The following FKBP5 variants were observed in gnomAD, a reference collection of about 807,000 sequenced individuals.
FKBP5 encodes the protein peptidyl-prolyl cis-trans isomerase FKBP5.
Under a neutral mutation model 50.5 loss-of-function variants are expected in FKBP5, and 23 were observed. That is an observed-to-expected ratio of 0.46 (90% CI 0.33 to 0.65). FKBP5 has a LOEUF of 0.65. FKBP5 is among the 30% of genes least tolerant of loss of function. FKBP5 has a pLI of 0.02. For missense variants in FKBP5, 411 were observed against 553.1 expected, an observed-to-expected ratio of 0.74 and a Z score of 2.58; for synonymous variants, 176 against 190.6, an observed-to-expected ratio of 0.92 and a Z score of 0.63.
chr6:35,581,195 CATAA>C (rs1762415996), intron 8 of FKBP5: 1 of 980,880 alleles, frequency 1.0e-6, no homozygotes, highest in Admixed American at 6.3e-5. Context: ...TAGCATACAA[CATAA>C]ATAACAACTA....
chr6:35,649,490 T>A (rs1561876755), intron 1 of FKBP5, among the ~76,000 whole-genome samples: 1 of 151,870 alleles, frequency 6.6e-6, no homozygotes, highest in Non-Finnish European at 1.5e-5. Context: ...GCATTTTGTG[T>A]AACCTCTAGC....
chr6:35,595,017 T>C (rs1392175416), intron 6 of FKBP5, among the ~76,000 whole-genome samples: 1 of 152,194 alleles, frequency 6.6e-6, no homozygotes, highest in African/African-American at 2.4e-5. Context: ...GCTCACACAC[T>C]GCGGGCTCAT....
upstream of FKBP5, among the ~76,000 whole-genome samples, chr6:35,691,735 A>C (rs1490221681): frequency 4.6e-5 from 7 of 152,092 alleles, 1 homozygote; most frequent in East Asian, 1.3e-3. Context: ...TTCCCTAAAC[A>C]TTACTGCCCT....
intron 9 of FKBP5, among the ~76,000 whole-genome samples, chr6:35,578,225 G>A (rs988183779): frequency 3.3e-5 from 5 of 151,378 alleles, no homozygotes; most frequent in African/African-American, 9.7e-5. Flanking sequence ...TCACTCTGTC[G>A]CCCAGGCTGG....
At chr6:35,688,088 GA>G in intron 1 of FKBP5, among the ~76,000 whole-genome samples, 1 of 152,360 alleles carries the variant, frequency 6.6e-6, no homozygotes, top group Non-Finnish European at 1.5e-5. Flanking sequence ...GAGTGACGCG[GA>G]TCACCTGTTA....
chr6:35,714,454 A>AG (rs1289470106), intron 2 of FKBP5, among the ~76,000 whole-genome samples: 4 of 141,828 alleles, frequency 2.8e-5, no homozygotes, highest in Non-Finnish European at 6.1e-5. Context: ...CACTGCCTCA[A>AG]AAAAAAAAAA....
chr6:35,724,641 G>A (rs372107528), intron 1 of FKBP5, among the ~76,000 whole-genome samples: 2 of 151,906 alleles, frequency 1.3e-5, no homozygotes, highest in Admixed American at 6.6e-5. Context: ...TACTTGGGAC[G>A]TTTACTCAGG....
intron 7 of FKBP5, among the ~76,000 whole-genome samples, chr6:35,588,695 G>A (rs887505875): frequency 7.9e-5 from 12 of 151,778 alleles, no homozygotes; most frequent in Non-Finnish European, 1.3e-4. Context: ...CGATTTCCCA[G>A]GCTCAAGCAA....
At chr6:35,581,564 T>G (rs1452888603) in intron 8 of FKBP5, 2 of 983,816 alleles carry the variant, frequency 2.0e-6, no homozygotes, top group African/African-American at 3.5e-5. Context: ...CACTCCAGCC[T>G]GGGTGACAGA....
At chr6:35,600,404 T>TGA (rs1763110405) in intron 5 of FKBP5, among the ~76,000 whole-genome samples, 1 of 151,324 alleles carries the variant, frequency 6.6e-6, no homozygotes, top group Non-Finnish European at 1.5e-5. Context: ...GGTGACAGAG[T>TGA]GAGACCGTCT....
chr6:35,626,371 AT>A (rs1157808255), intron 3 of FKBP5, among the ~76,000 whole-genome samples: 2 of 152,178 alleles, frequency 1.3e-5, no homozygotes, highest in Non-Finnish European at 2.9e-5. Context: ...TATATAACAT[AT>A]TTTAAGATAC....
chr6:35,692,948 G>A (rs113341840), upstream of FKBP5, among the ~76,000 whole-genome samples: 740 of 150,066 alleles, frequency 4.9e-3, 6 homozygotes, highest in Non-Finnish European at 7.0e-3. Context: ...TTTCTTTCTG[G>A]GGCTCCAGTT....
At chr6:35,650,859 A>G (rs1186381324) in intron 1 of FKBP5, among the ~76,000 whole-genome samples, 1 of 152,134 alleles carries the variant, frequency 6.6e-6, no homozygotes, top group East Asian at 1.9e-4. Context: ...GTGGGTGGGT[A>G]TGATCATTTT....
intron 1 of FKBP5, among the ~76,000 whole-genome samples, chr6:35,683,117 TA>T (rs1161594151): frequency 1.5e-5 from 1 of 65,176 alleles, no homozygotes; most frequent in African/African-American, 5.0e-5. Flanking sequence ...TATATATACG[TA>T]TATGTGTGTG....
chr6:35,723,243 T>TAAATA (rs1187840525), intron 1 of FKBP5, among the ~76,000 whole-genome samples: 4 of 151,444 alleles, frequency 2.6e-5, no homozygotes, highest in African/African-American at 7.3e-5. Context: ...AAAAAATAAA[T>TAAATA]AAATAAAATA....
chr6:35,631,586 A>C (rs915106360), intron 3 of FKBP5, among the ~76,000 whole-genome samples: 1 of 152,202 alleles, frequency 6.6e-6, no homozygotes, highest in Admixed American at 6.5e-5. Context: ...CTCAATAAAA[A>C]AACCAAAGTG....
intron 8 of FKBP5, chr6:35,583,570 G>C (rs1762509758): frequency 4.1e-6 from 4 of 985,300 alleles, no homozygotes; most frequent in Non-Finnish European, 4.8e-6. Context: ...TCTCAACTGG[G>C]GGGTGATTTT....
chr6:35,727,861 G>C (rs1766750739), intron 1 of FKBP5, among the ~76,000 whole-genome samples: 1 of 152,184 alleles, frequency 6.6e-6, no homozygotes, highest in Non-Finnish European at 1.5e-5. Context: ...GCTAATCCAG[G>C]CGCCACCCAA....
chr6:35,681,330 G>A (rs966762132), intron 1 of FKBP5, among the ~76,000 whole-genome samples: 3 of 152,148 alleles, frequency 2.0e-5, no homozygotes, highest in Non-Finnish European at 4.4e-5. Flanking sequence ...TGAAAACGAA[G>A]TTACCCAAAA....
Sources: allele counts gnomAD v4.1 joint callset (sites outside exome capture counted in the v4.1 genomes callset), GRCh38; gene constraint gnomAD v4.1.1; transcripts MANE v1.5; gene names NCBI Gene and HGNC (gene_info 2026-07-23, HGNC 2026-07-21).